Variants in MMD observed in about 807,000 individuals in gnomAD.
The protein encoded by MMD is monocyte to macrophage differentiation associated.
MMD carries 22 observed loss-of-function variants against 33.6 expected under a neutral mutation model. The ratio of observed to expected loss-of-function variants is 0.66; its 90% CI spans 0.47 to 0.94. The LOEUF is 0.94. Ranked by LOEUF, MMD falls within the 40% of genes least tolerant of loss-of-function variation. The pLI, the probability that MMD is intolerant of heterozygous loss-of-function variation, is 0.00. For synonymous variants in MMD, 97 were observed against 103.2 expected (o/e 0.94, Z 0.36); for missense variants, 242 against 309.8 (o/e 0.78, Z 1.64).
At chr17:55,402,803 T>A (rs964524067) in intron 5 of MMD, among the ~76,000 whole-genome samples, 4 of 152,222 alleles carry the variant, frequency 2.6e-5, no homozygotes, top group African/African-American at 9.7e-5. Flanking sequence ...TATATAACAC[T>A]ACTCAGCATT....
intron 1 of MMD, among the ~76,000 whole-genome samples, chr17:55,415,562 TAG>T (rs921815982): frequency 3.0e-4 from 45 of 152,306 alleles, no homozygotes; most frequent in African/African-American, 8.2e-4. Flanking sequence ...CAAGCCATTT[TAG>T]AGAGTGCCAA....
chr17:55,396,290 A>G (rs1429687134), intron 6 of MMD, among the ~76,000 whole-genome samples: 1 of 152,176 alleles, frequency 6.6e-6, no homozygotes, highest in Non-Finnish European at 1.5e-5. Flanking sequence ...CAACGACCCT[A>G]AATTAGGTAC....
chr17:55,408,523 T>A (rs1907643953), intron 3 of MMD, among the ~76,000 whole-genome samples: 1 of 152,236 alleles, frequency 6.6e-6, no homozygotes, highest in Non-Finnish European at 1.5e-5. Flanking sequence ...ATGGATTAGA[T>A]GGAATTTGCC....
rs1906996492 is a variant in MMD, at chr17:55,393,572, A to T, written c.*762T>A. On this transcript the variant is annotated 3_prime_UTR_variant, in exon 7 of 7. Coordinates refer to ENST00000262065, the MANE Select transcript of MMD (RefSeq NM_012329.3). The stretch of plus-strand genomic sequence containing the variant: ...GTTGGATCTTTTGAAAAAGTTAATG[A>T]TATCAAAATACTTTTCCATCACTGG... The T allele has an allele frequency of 6.5e-6, 1 of 152,692 alleles. No homozygotes were observed. The highest frequency in any genetic ancestry group is 1.5e-5 in the Non-Finnish European group (1 of 68,048). 9.5% of individuals were successfully genotyped at this position (152,692 alleles called of 1,614,324 possible). A position where few individuals can be genotyped will look rare whatever the true frequency, so the allele number is the denominator to read the frequency against.
intron 5 of MMD, among the ~76,000 whole-genome samples, chr17:55,403,052 G>A (rs1907406268): frequency 6.6e-6 from 1 of 152,092 alleles, no homozygotes; most frequent in Non-Finnish European, 1.5e-5. Context: ...AAACATACAG[G>A]GTAATAAAAA....
chr17:55,416,717 GA>G (rs1567852146), intron 1 of MMD, among the ~76,000 whole-genome samples: 1 of 152,076 alleles, frequency 6.6e-6, no homozygotes, highest in East Asian at 1.9e-4. Flanking sequence ...TCTCTTCCCC[GA>G]AAAAAGAATG....
At chr17:55,420,306 G>C (rs564362318) in intron 1 of MMD, 2 of 152,298 alleles carry the variant, frequency 1.3e-5, no homozygotes, top group South Asian at 2.1e-4. Context: ...AGCCCCTCCG[G>C]TCTTCATTTC....
At chr17:55,410,398 G>A (rs1185869215) in intron 3 of MMD, among the ~76,000 whole-genome samples, 1 of 152,192 alleles carries the variant, frequency 6.6e-6, no homozygotes, top group Non-Finnish European at 1.5e-5. Flanking sequence ...ATTGCTCATA[G>A]TCTGCTCTGA....
At chr17:55,400,321 G>C (rs1470089307) in intron 6 of MMD, among the ~76,000 whole-genome samples, 2 of 152,162 alleles carry the variant, frequency 1.3e-5, no homozygotes, top group Non-Finnish European at 2.9e-5. Flanking sequence ...GCCGAGGCAG[G>C]TGGATCACCT....
intron 3 of MMD, among the ~76,000 whole-genome samples, chr17:55,409,521 G>A (rs1907682249): frequency 6.6e-6 from 1 of 152,174 alleles, no homozygotes; most frequent in African/African-American, 2.4e-5. Flanking sequence ...GAGTATGTGT[G>A]AACATTAAAT....
Position 55,394,405 on chromosome 17 carries a change from C to G in MMD, c.646G>C (p.Ala216Pro), listed in dbSNP as rs1907024946. 1.3e-6 allele frequency: 2 copies of G among 1,502,048 alleles called. No individual in the cohort carries two copies. The highest frequency in any genetic ancestry group is 1.8e-6 in the Non-Finnish European group (2 of 1,131,078). The allele number at this position is 1,502,048 out of a possible 1,614,324, so 93.0% of individuals were successfully genotyped here. Residue 216 changes from alanine to proline, a missense_variant, in exon 7 of 7, where the codon GCT (alanine) becomes CCT (proline). Transcript: ENST00000262065. ...CAAATGGCGTAGTAATGCACTGCAG[C>G]TGCCGTGGCCACAAACAGGTGCCAG... ...AIWHLFVATA[A>P]AVHYYAIWKY...
intron 1 of MMD, among the ~76,000 whole-genome samples, chr17:55,418,264 C>T (rs1908047261): frequency 6.6e-6 from 1 of 152,186 alleles, no homozygotes; most frequent in Admixed American, 6.5e-5. Context: ...TTCATCTTTT[C>T]CCACTGTAGT....
intron 1 of MMD, among the ~76,000 whole-genome samples, chr17:55,419,586 A>G (rs1567853086): frequency 7.2e-6 from 1 of 138,780 alleles, no homozygotes; most frequent in Non-Finnish European, 1.7e-5. Flanking sequence ...TGAACACAGC[A>G]TTAAAAGATG....
intron 5 of MMD, among the ~76,000 whole-genome samples, chr17:55,402,194 A>G (rs1907371866): frequency 6.6e-6 from 1 of 152,080 alleles, no homozygotes; most frequent in African/African-American, 2.4e-5. Context: ...TTCTGATCCT[A>G]GAGTGTCTGC....
chr17:55,400,261 C>A (rs1907273756), intron 6 of MMD, among the ~76,000 whole-genome samples: 1 of 152,094 alleles, frequency 6.6e-6, no homozygotes. Flanking sequence ...GAATTATGTT[C>A]TTACAGCCAG....
intron 1 of MMD, among the ~76,000 whole-genome samples, chr17:55,414,689 A>G (rs1051162700): frequency 3.9e-5 from 6 of 151,910 alleles, no homozygotes; most frequent in African/African-American, 1.2e-4. Flanking sequence ...CAAAGTTTCT[A>G]TTTTCTCTCT....
At chr17:55,407,895 T>C (rs530409692) in intron 3 of MMD, 75 bp from the exon 4 acceptor site, 14 of 1,027,342 alleles carry the variant, frequency 1.4e-5, no homozygotes, top group African/African-American at 6.6e-5. Flanking sequence ...CTCCACTATG[T>C]TGCAATTTCC....
chr17:55,421,138 CCT>C (rs956344548), intron 1 of MMD, among the ~76,000 whole-genome samples: 29 of 152,242 alleles, frequency 1.9e-4, no homozygotes, highest in African/African-American at 6.8e-4. Context: ...CCTCAGTTTC[CCT>C]GTTGCTAGGG....
rs1378953459 is a variant in MMD, at chr17:55,411,557, A to C, written c.109-140T>G. ...AAGTATTTGTCTCTCCTGGATAATCATAACGAGAGCCAGATGAAGTTAGCT... is the reference window on the plus strand; with the variant it reads ...AAGTATTTGTCTCTCCTGGATAATCCTAACGAGAGCCAGATGAAGTTAGCT... On this transcript the variant is annotated intron_variant, in intron 2 of 6. Coordinates refer to ENST00000262065, the MANE Select transcript of MMD (RefSeq NM_012329.3). 1.1e-5 allele frequency: 12 copies of C among 1,082,658 alleles called. No homozygotes were observed. The South Asian group carries it at 1.9e-4, about 17-fold the overall frequency. The allele number at this position is 1,082,658 out of a possible 1,614,324, so 67.1% of individuals were successfully genotyped here. A position where few individuals can be genotyped will look rare whatever the true frequency, so the allele number is the denominator to read the frequency against.
Sources: gnomAD v4.1 joint callset for allele counts (sites outside exome capture counted in the v4.1 genomes callset) on GRCh38, gnomAD v4.1.1 for gene constraint, MANE v1.5 for transcripts, NCBI Gene and HGNC (gene_info 2026-07-23, HGNC 2026-07-21) for gene names.